NCOR2: variants seen among roughly 807,000 people sequenced by gnomAD.
The protein encoded by NCOR2 is nuclear receptor corepressor 2.
Under a neutral mutation model 262.9 loss-of-function variants are expected in NCOR2, and 81 were observed. The ratio of observed to expected loss-of-function variants is 0.31; its 90% CI spans 0.26 to 0.37. NCOR2 has a LOEUF of 0.37. Among genes scored for constraint, NCOR2 ranks in the 10% least tolerant of loss-of-function variants. NCOR2 has a pLI of 1.00. For missense variants in NCOR2, 3,385 were observed against 3,621.4 expected (o/e 0.93, Z 1.68); for synonymous variants, 1,659 against 1,559.3 (o/e 1.06, Z -1.51).
chr12:124,523,545 C>T lies in NCOR2; in HGVS notation c.-118+12020G>A, dbSNP rs968498573. Reference sequence around the variant, plus strand: ...CGCGGCCTCCACTGTGCCTTACAACCGGCGTGTCCAGTCTTTTGGCTTCAC... The same window carrying T: ...CGCGGCCTCCACTGTGCCTTACAACTGGCGTGTCCAGTCTTTTGGCTTCAC... On this transcript the variant is annotated intron_variant, in intron 1 of 46. Coordinates refer to the NCOR2 transcript ENST00000404621. This position sits in a 1 kb window ranked among gnomAD's most constrained non-coding sequence, Gnocchi z 4.0. 2.6e-5 allele frequency among the ~76,000 whole-genome samples: 4 copies of T among 151,778 alleles called. No homozygotes were observed. In the East Asian group the frequency reaches 7.7e-4, roughly 29 times the overall value.
At chr12:124,359,233 C>T (rs1227757659) in intron 22 of NCOR2, among the ~76,000 whole-genome samples, 1 of 152,192 alleles carries the variant, frequency 6.6e-6, no homozygotes, top group Non-Finnish European at 1.5e-5. Context: ...TGAGCAGAGA[C>T]ACAACTTGGG....
intron 1 of NCOR2, among the ~76,000 whole-genome samples, chr12:124,529,193 A>C (rs1325445817): frequency 1.3e-5 from 2 of 150,180 alleles, no homozygotes; most frequent in African/African-American, 2.5e-5. Flanking sequence ...AAAAAAAAAA[A>C]AAAAAAAAAC....
In NCOR2 at chr12:124,523,273, G is replaced by A. The variant is rs769485178; in HGVS notation, c.-118+12292C>T. Among the ~76,000 whole-genome samples, 3 of 152,164 alleles carry A rather than the reference G, an allele frequency of 2.0e-5. No individual in the cohort carries two copies. Among genetic ancestry groups the A allele is most frequent in the East Asian group, 1.9e-4 (1 of 5,186 alleles). ...CTCACTTCCAACTGCAGCACCATCC[G>A]GCACGCCAGAATACCATGGGCACCC... On this transcript the variant is annotated intron_variant, in intron 1 of 46. Coordinates refer to the NCOR2 transcript ENST00000404621. This position sits in a 1 kb window ranked among gnomAD's most constrained non-coding sequence, Gnocchi z 4.0.
At chr12:124,388,859 C>T (rs1037779656) in intron 16 of NCOR2, 36 of 1,049,226 alleles carry the variant, frequency 3.4e-5, no homozygotes, top group Non-Finnish European at 4.6e-5. Flanking sequence ...CTTCTCCGTC[C>T]CACGGTGAGG....
rs972894183 is a variant in NCOR2 at position 124,347,739 on chromosome 12, A to G, written c.4072+86T>C. 53 of 1,371,854 alleles carry G rather than the reference A, an allele frequency of 3.9e-5. No homozygotes were observed. The Middle Eastern group carries it at 8.0e-4, about 21-fold the overall frequency. 85.0% of individuals were successfully genotyped at this position (1,371,854 alleles called of 1,614,324 possible). ...TGCATACTTGTCCTGAGTTCCCACC[A>G]CACTCTGGCTGTGTCTCTCCCTCCC... is the stretch of plus-strand genomic sequence containing the variant. On this transcript the variant is annotated intron_variant, in intron 30 of 46. Transcript: ENST00000405201.
intron 22 of NCOR2, among the ~76,000 whole-genome samples, chr12:124,358,094 TGC>T (rs1491563576): frequency 1.1e-3 from 152 of 142,272 alleles, no homozygotes; most frequent in Admixed American, 2.6e-3. Flanking sequence ...GATGTGTGTG[TGC>T]GCGCGCGCAC....
intron 13 of NCOR2, among the ~76,000 whole-genome samples, chr12:124,409,121 C>T (rs933773360): frequency 1.3e-5 from 2 of 152,256 alleles, no homozygotes; most frequent in Admixed American, 6.5e-5. Context: ...ACATTTAACA[C>T]GCACATGGAA....
intron 1 of NCOR2, among the ~76,000 whole-genome samples, chr12:124,519,930 C>T (rs954905742): frequency 2.0e-5 from 3 of 152,346 alleles, no homozygotes; most frequent in Non-Finnish European, 4.4e-5. Context: ...GGGACTTGAA[C>T]TGGGCAAGCC....
intron 31 of NCOR2, among the ~76,000 whole-genome samples, chr12:124,345,900 T>C (rs75788176): frequency 0.036 from 5,475 of 152,248 alleles, 143 homozygotes; most frequent in South Asian, 0.086. Context: ...CCTCTGCCCA[T>C]GTGGAAGGAC....
At position 124,519,125 on chromosome 12, in the gene NCOR2, CACACACAG is replaced by C. The variant is rs1017589865; in HGVS notation, c.-118+16432_-118+16439del. On this transcript the variant is annotated intron_variant, in intron 1 of 46. Coordinates refer to the NCOR2 transcript ENST00000404621. ...ACACACACACACACACACACACACACACACACAGGCCAACAATGATGGCTTGGTAGTCA... is the reference window on the plus strand; with the variant it reads ...ACACACACACACACACACACACACACGCCAACAATGATGGCTTGGTAGTCA... 2.3e-4 allele frequency among the ~76,000 whole-genome samples: 35 copies of C among 151,844 alleles called. No individual in the cohort carries two copies. The East Asian group carries it at 3.7e-3, about 16-fold the overall frequency.
At chr12:124,520,937 A>G (rs701036) in intron 1 of NCOR2, among the ~76,000 whole-genome samples, 130,926 of 152,166 alleles carry the variant, frequency 0.86, 56,451 homozygotes, top group East Asian at 1. Context: ...GGGCCAGGAC[A>G]GTGGGCCAAA....
At chr12:124,410,692 C>T (rs576632969) in intron 13 of NCOR2, among the ~76,000 whole-genome samples, 51 of 152,282 alleles carry the variant, frequency 3.3e-4, no homozygotes, top group African/African-American at 1.2e-3. Flanking sequence ...TGCCACCGGT[C>T]CCCACCATCA....
At chr12:124,405,717 G>A (rs2042237967) in intron 13 of NCOR2, among the ~76,000 whole-genome samples, 2 of 152,230 alleles carry the variant, frequency 1.3e-5, no homozygotes, top group African/African-American at 4.8e-5. Context: ...ATTATGCAGG[G>A]AGAGGGAGGT....
rs1555232691 is a variant in NCOR2 at position 124,501,058 on chromosome 12, G to GCGCGCA, written c.-117-5696_-117-5691dup. Reference sequence around the variant, plus strand: ...GCCCACGGCACGAGCGCGCGCGCACGCGCGCACACACACACACACACACAC... The same window carrying GCGCGCA: ...GCCCACGGCACGAGCGCGCGCGCACGCGCGCACGCGCACACACACACACACACACAC... On this transcript the variant is annotated intron_variant, in intron 1 of 46. Coordinates refer to the NCOR2 transcript ENST00000404621. Among the ~76,000 whole-genome samples the GCGCGCA allele has an allele frequency of 4.7e-4, 31 of 66,258 alleles. No homozygotes were observed. The Middle Eastern group carries it at 0.019, about 40-fold the overall frequency. 43.5% of individuals were successfully genotyped at this position (66,258 alleles called of 152,430 possible).
chr12:124,519,311 T>C (rs1446855229), intron 1 of NCOR2, among the ~76,000 whole-genome samples: 2 of 152,194 alleles, frequency 1.3e-5, no homozygotes, highest in Non-Finnish European at 2.9e-5. Flanking sequence ...CAGAGGAAGC[T>C]GCTGGAGCTC....
intron 13 of NCOR2, among the ~76,000 whole-genome samples, chr12:124,411,036 AG>A (rs778593208): frequency 2.5e-4 from 6 of 24,292 alleles, no homozygotes; most frequent in Non-Finnish European, 4.2e-4. Context: ...TGAGGAGGGG[AG>A]GGGGCGGGGG....
intron 13 of NCOR2, among the ~76,000 whole-genome samples, chr12:124,406,875 A>G (rs910766442): frequency 8.5e-5 from 13 of 152,346 alleles, no homozygotes; most frequent in African/African-American, 3.1e-4. Context: ...GCAGAAAAAT[A>G]TCTTAATTAA....
chr12:124,359,955 G>A (rs1036525491), intron 22 of NCOR2, among the ~76,000 whole-genome samples: 9 of 152,352 alleles, frequency 5.9e-5, no homozygotes, highest in East Asian at 5.8e-4. Context: ...AGGGCCTAAC[G>A]CCAGGTGCAC....
At chr12:124,335,429 T>C (rs138209954) in intron 39 of NCOR2, 54 bp downstream of exon 41, 380 of 1,568,910 alleles carry the variant, frequency 2.4e-4, no homozygotes, top group African/African-American at 1.2e-3. Flanking sequence ...GATGGGGCCT[T>C]GAGGGTCCTC....
Sources: allele counts gnomAD v4.1 joint callset (sites outside exome capture counted in the v4.1 genomes callset), GRCh38; gene constraint gnomAD v4.1.1; non-coding constraint Gnocchi (gnomAD v3.1); transcripts MANE v1.5; gene names NCBI Gene and HGNC (gene_info 2026-07-23, HGNC 2026-07-21).